Variants in PRKN observed in about 807,000 individuals in gnomAD.
The protein encoded by PRKN is E3 ubiquitin-protein ligase parkin.
A neutral mutation model predicts 59.5 loss-of-function variants in PRKN; 56 were observed. That is an observed-to-expected ratio of 0.94 (90% CI 0.76 to 1.18). The LOEUF is 1.18. Ranked by LOEUF, PRKN falls within the 50% of genes most tolerant of loss-of-function variation. PRKN has a pLI of 0.00. For missense variants in PRKN, 657 were observed against 596.4 expected (o/e 1.10, Z -1.06); for synonymous variants, 250 against 222.1 (o/e 1.13, Z -1.12).
chr6:162,294,046 A>G (rs148503073), intron 2 of PRKN, among the ~76,000 whole-genome samples: 1 of 152,160 alleles, frequency 6.6e-6, no homozygotes, highest in African/African-American at 2.4e-5. Context: ...ACAAGAAGCC[A>G]AAGTCAAGTC....
At chr6:162,395,576 G>T (rs1004738224) in intron 2 of PRKN, among the ~76,000 whole-genome samples, 1 of 152,020 alleles carries the variant, frequency 6.6e-6, no homozygotes, top group South Asian at 2.1e-4. Flanking sequence ...CCAGACCTAC[G>T]CAAACCATGA....
At chr6:162,385,611 G>A (rs908160808) in intron 2 of PRKN, among the ~76,000 whole-genome samples, 3 of 151,838 alleles carry the variant, frequency 2.0e-5, no homozygotes, top group African/African-American at 7.3e-5. Context: ...GTCCTTTCCC[G>A]CTCTCCTTTC....
intron 6 of PRKN, among the ~76,000 whole-genome samples, chr6:161,952,743 T>G (rs1780035489): frequency 6.6e-6 from 1 of 152,226 alleles, no homozygotes; most frequent in Admixed American, 6.5e-5. Context: ...GATATTTATG[T>G]GTGATCTCAG....
At chr6:162,295,344 AACTTTTT>A (rs1781621028) in intron 2 of PRKN, among the ~76,000 whole-genome samples, 1 of 152,160 alleles carries the variant, frequency 6.6e-6, no homozygotes, top group Non-Finnish European at 1.5e-5. Context: ...CAGAATTTTA[AACTTTTT>A]ACTCGATTGC....
chr6:162,598,883 TAATTA>T (rs1206223927), intron 1 of PRKN, among the ~76,000 whole-genome samples: 1 of 140,264 alleles, frequency 7.1e-6, no homozygotes, highest in Non-Finnish European at 1.5e-5. Context: ...AATTGCAGAA[TAATTA>T]AATGATTAAA....
intron 7 of PRKN, among the ~76,000 whole-genome samples, chr6:161,663,469 G>A (rs2128166285): frequency 6.6e-6 from 1 of 151,960 alleles, no homozygotes; most frequent in Non-Finnish European, 1.5e-5. Flanking sequence ...ATTTTATGTA[G>A]ACCCACAGCA....
rs372666477 is a variant in PRKN at position 162,026,825 on chromosome 6, C to T, written c.618+27266G>A. Among the ~76,000 whole-genome samples, 18 of 152,246 alleles carry T rather than the reference C, an allele frequency of 1.2e-4. No individual in the cohort carries two copies. The South Asian group carries it at 3.7e-3, about 32-fold the overall frequency. On this transcript the variant is annotated intron_variant, in intron 5 of 11. Coordinates refer to ENST00000366898, the MANE Select transcript of PRKN (RefSeq NM_004562.3). The stretch of plus-strand genomic sequence containing the variant: ...AAATTATTGGTATGTTGTTGGCAAT[C>T]AGGATTAAGTTGCCAGAGTCATGTT...
At chr6:161,587,345 T>A (rs964998457) in intron 7 of PRKN, among the ~76,000 whole-genome samples, 2 of 152,152 alleles carry the variant, frequency 1.3e-5, no homozygotes, top group Admixed American at 6.6e-5. Flanking sequence ...ATACAATAGA[T>A]CAATTCCTAA....
rs1228063649 is a variant in PRKN, at chr6:161,566,335, C to G, written c.933+3020G>C. Reference sequence around the variant, plus strand: ...TGAGCATAGGACACAGATCATGATTCCTCCTCCTAAAGATGCCTTCTTCCT... The same window carrying G: ...TGAGCATAGGACACAGATCATGATTGCTCCTCCTAAAGATGCCTTCTTCCT... On this transcript the variant is annotated intron_variant, in intron 8 of 11. Coordinates refer to ENST00000366898, the MANE Select transcript of PRKN (RefSeq NM_004562.3). The surrounding 1 kb of genome is among the most constrained non-coding windows in gnomAD (Gnocchi z 4.1). Among the ~76,000 whole-genome samples, 1 of 152,158 alleles carries G rather than the reference C, an allele frequency of 6.6e-6. No individual in the cohort carries two copies. Among genetic ancestry groups the G allele is most frequent in the African/African-American group, 2.4e-5 (1 of 41,432 alleles).
At chr6:162,486,812 G>A (rs149623259) in intron 1 of PRKN, among the ~76,000 whole-genome samples, 36 of 152,268 alleles carry the variant, frequency 2.4e-4, no homozygotes, top group Non-Finnish European at 4.4e-4. Flanking sequence ...GCTCATGCCT[G>A]TAATACCAGC....
intron 1 of PRKN, among the ~76,000 whole-genome samples, chr6:162,580,052 A>AG (rs1176590822): frequency 6.6e-6 from 1 of 152,190 alleles, no homozygotes; most frequent in Admixed American, 6.5e-5. Flanking sequence ...CCAGTCCCAT[A>AG]GATGTGAAGT....
At chr6:162,178,669 C>T (rs1783647631) in intron 4 of PRKN, among the ~76,000 whole-genome samples, 1 of 152,200 alleles carries the variant, frequency 6.6e-6, no homozygotes, top group Non-Finnish European at 1.5e-5. Context: ...GAAGGACTTA[C>T]ATCATCCTGC....
chr6:162,670,321 C>T (rs1044462561), intron 1 of PRKN, among the ~76,000 whole-genome samples: 3 of 152,148 alleles, frequency 2.0e-5, no homozygotes, highest in Admixed American at 1.3e-4. Context: ...AAAGGCAGTC[C>T]CTGTGCCATC....
In PRKN at chr6:161,513,897, T is replaced by C. The variant is rs183921239; in HGVS notation, c.1083+34957A>G. Among the ~76,000 whole-genome samples the C allele has an allele frequency of 3.3e-5, 5 of 152,150 alleles. No individual in the cohort carries two copies. The East Asian group carries it at 9.7e-4, about 30-fold the overall frequency. ...CCCTCCTCTATAAAATGGTGACAAATAGAATACCTTCCTGACAGGGTTGTA... is the reference window on the plus strand; with the variant it reads ...CCCTCCTCTATAAAATGGTGACAAACAGAATACCTTCCTGACAGGGTTGTA... On this transcript the variant is annotated intron_variant, in intron 9 of 11. Coordinates refer to ENST00000366898, the MANE Select transcript of PRKN (RefSeq NM_004562.3).
intron 1 of PRKN, among the ~76,000 whole-genome samples, chr6:162,527,881 A>G (rs1436737627): frequency 1.3e-5 from 2 of 152,096 alleles, no homozygotes; most frequent in Non-Finnish European, 2.9e-5. Flanking sequence ...CCAAGGCCAC[A>G]TTAACAAGTG....
At chr6:162,123,917 G>A (rs139724189) in intron 4 of PRKN, among the ~76,000 whole-genome samples, 3 of 152,114 alleles carry the variant, frequency 2.0e-5, no homozygotes, top group South Asian at 2.1e-4. Context: ...AGACTATACC[G>A]AGAGGAGGCA....
chr6:162,206,831 G>A (rs567563126), intron 3 of PRKN, among the ~76,000 whole-genome samples: 6 of 152,288 alleles, frequency 3.9e-5, no homozygotes, highest in South Asian at 4.1e-4. Context: ...TGGAATACAC[G>A]TCTCCACAAG....
chr6:162,608,903 A>C (rs527625596), intron 1 of PRKN, among the ~76,000 whole-genome samples: 2 of 152,258 alleles, frequency 1.3e-5, no homozygotes, highest in East Asian at 3.9e-4. Flanking sequence ...ACAGGAGGGT[A>C]TCTACTGGGG....
intron 8 of PRKN, among the ~76,000 whole-genome samples, chr6:161,564,601 T>C (rs1780570936): frequency 6.6e-6 from 1 of 152,238 alleles, no homozygotes; most frequent in Non-Finnish European, 1.5e-5. Flanking sequence ...CCACAAAGCA[T>C]TGCTCTACAG....
Sources: allele counts gnomAD v4.1 joint callset (sites outside exome capture counted in the v4.1 genomes callset), GRCh38; gene constraint gnomAD v4.1.1; non-coding constraint Gnocchi (gnomAD v3.1); transcripts MANE v1.5; gene names NCBI Gene and HGNC (gene_info 2026-07-23, HGNC 2026-07-21).